DSCAML1: variants seen among roughly 807,000 people sequenced by gnomAD.
The protein encoded by DSCAML1 is cell adhesion molecule DSCAML1.
Under a neutral mutation model 200.5 loss-of-function variants are expected in DSCAML1, and 38 were observed. The observed-to-expected ratio is 0.19, with a 90% CI of 0.15 to 0.25. The LOEUF (loss-of-function observed/expected upper bound fraction) is 0.25, where lower values mean the gene tolerates loss of function less well. Among genes scored for constraint, DSCAML1 ranks in the 10% least tolerant of loss-of-function variants. DSCAML1 has a pLI of 1.00. For missense variants in DSCAML1, 2,223 were observed against 2,858.8 expected (o/e 0.78, Z 5.07); for synonymous variants, 1,215 against 1,165.0 (o/e 1.04, Z -0.87).
At chr11:117,507,928 G>C (rs1565749833) in intron 8 of DSCAML1, among the ~76,000 whole-genome samples, 1 of 152,152 alleles carries the variant, frequency 6.6e-6, no homozygotes. Context: ...TCTTCAGATA[G>C]ATTTCTCTGG....
At chr11:117,486,459 C>CGGATGTGAAAATGGT (rs943043186) in intron 11 of DSCAML1, among the ~76,000 whole-genome samples, 10 of 51,284 alleles carry the variant, frequency 1.9e-4, no homozygotes, top group African/African-American at 7.7e-4. Context: ...ATGAAAGTAG[C>CGGATGTGAAAATGGT]GGATGTGAAA....
intron 1 of DSCAML1, among the ~76,000 whole-genome samples, chr11:117,796,269 C>A (rs1469419351): frequency 6.6e-6 from 1 of 152,220 alleles, no homozygotes; most frequent in South Asian, 2.1e-4. Context: ...GAGGGACACG[C>A]CCCCCAGCCT....
At chr11:117,621,926 T>C (rs2051942313) in intron 3 of DSCAML1, among the ~76,000 whole-genome samples, 1 of 152,210 alleles carries the variant, frequency 6.6e-6, no homozygotes, top group South Asian at 2.1e-4. Flanking sequence ...ACCATGAGGA[T>C]CAATGAAAGG....
chr11:117,763,594 T>G (rs1285664661), intron 3 of DSCAML1, among the ~76,000 whole-genome samples: 1 of 152,008 alleles, frequency 6.6e-6, no homozygotes, highest in Non-Finnish European at 1.5e-5. Flanking sequence ...CCACCTGTGA[T>G]GCATCCTGAG....
At chr11:117,587,289 A>C (rs963554198) in intron 3 of DSCAML1, among the ~76,000 whole-genome samples, 1 of 137,286 alleles carries the variant, frequency 7.3e-6, no homozygotes, top group Admixed American at 7.7e-5. Flanking sequence ...TATGATTCCT[A>C]TATTGTAGTG....
chr11:117,709,712 C>T (rs1270316512), intron 3 of DSCAML1: 2 of 455,014 alleles, frequency 4.4e-6, no homozygotes, highest in Non-Finnish European at 8.8e-6. Context: ...TGGGCTAAGG[C>T]TTCATCAGGG....
At chr11:117,645,145 C>A (rs757227096) in intron 3 of DSCAML1, among the ~76,000 whole-genome samples, 3 of 152,210 alleles carry the variant, frequency 2.0e-5, no homozygotes, top group Non-Finnish European at 4.4e-5. Flanking sequence ...ATGAGACCTG[C>A]AGGGCTTCCC....
chr11:117,512,530 G>A (rs978373053), intron 8 of DSCAML1, among the ~76,000 whole-genome samples: 2 of 152,142 alleles, frequency 1.3e-5, no homozygotes, highest in Non-Finnish European at 2.9e-5. Context: ...CACCCATGCT[G>A]CTTCTTGGTC....
At chr11:117,663,234 G>A (rs12279593) in intron 3 of DSCAML1, among the ~76,000 whole-genome samples, 51,806 of 152,022 alleles carry the variant, frequency 0.34, 9,139 homozygotes, top group African/African-American at 0.41. Context: ...ACCTCCCACA[G>A]TGCTTCTGAT....
intron 1 of DSCAML1, among the ~76,000 whole-genome samples, chr11:117,812,752 A>C (rs2055771865): frequency 7.0e-6 from 1 of 142,318 alleles, no homozygotes; most frequent in African/African-American, 2.5e-5. Context: ...GTGTCCGACT[A>C]ATCTCCCAAA....
chr11:117,665,073 G>C (rs2137654869), intron 3 of DSCAML1, among the ~76,000 whole-genome samples: 1 of 152,286 alleles, frequency 6.6e-6, no homozygotes, highest in South Asian at 2.1e-4. Flanking sequence ...CCTATTTCCT[G>C]CCGAAGTCTG....
intron 1 of DSCAML1, among the ~76,000 whole-genome samples, chr11:117,781,693 C>T (rs898671604): frequency 2.0e-5 from 3 of 152,240 alleles, no homozygotes; most frequent in Admixed American, 1.3e-4. Flanking sequence ...AATTCCCTTC[C>T]TCACTTGGAT....
intron 11 of DSCAML1, among the ~76,000 whole-genome samples, chr11:117,486,071 T>A (rs1592652652): frequency 6.6e-6 from 1 of 152,118 alleles, no homozygotes; most frequent in African/African-American, 2.4e-5. Flanking sequence ...GGGAAAAGGG[T>A]GTGTGGCTTG....
intron 3 of DSCAML1, among the ~76,000 whole-genome samples, chr11:117,579,994 AGAGCTTTGCTTCCT>A (rs113699882): frequency 2.8e-4 from 43 of 152,350 alleles, no homozygotes; most frequent in African/African-American, 1.0e-3. Flanking sequence ...TTCCGTCATC[AGAGCTTTGCTTCCT>A]GGAGACACGG....
intron 16 of DSCAML1, among the ~76,000 whole-genome samples, chr11:117,466,304 G>A (rs1250027271): frequency 6.6e-6 from 1 of 152,236 alleles, no homozygotes; most frequent in Non-Finnish European, 1.5e-5. Context: ...CAGCGCGGAT[G>A]AACCTTGAAG....
intron 12 of DSCAML1, among the ~76,000 whole-genome samples, chr11:117,481,637 G>T (rs2048923143): frequency 6.7e-6 from 1 of 149,146 alleles, no homozygotes; most frequent in Admixed American, 6.6e-5. Flanking sequence ...CAGGAGAGTG[G>T]GAAGGGCTGA....
upstream of DSCAML1, among the ~76,000 whole-genome samples, chr11:117,798,360 C>T (rs2055620759): frequency 6.6e-6 from 1 of 152,230 alleles, no homozygotes; most frequent in South Asian, 2.1e-4. Flanking sequence ...CCTAAGTTCA[C>T]ATGGGAGAAT....
intron 3 of DSCAML1, among the ~76,000 whole-genome samples, chr11:117,673,238 G>A (rs2053146933): frequency 6.6e-6 from 1 of 152,124 alleles, no homozygotes; most frequent in Non-Finnish European, 1.5e-5. Flanking sequence ...AAATCTTCTG[G>A]GAGGAAAATC....
chr11:117,587,799 T>G (rs920544508), intron 3 of DSCAML1, among the ~76,000 whole-genome samples: 3 of 152,136 alleles, frequency 2.0e-5, no homozygotes, highest in Non-Finnish European at 2.9e-5. Context: ...GTCCCTTATC[T>G]CCACCCTGAG....
Sources: gnomAD v4.1 joint callset for allele counts (sites outside exome capture counted in the v4.1 genomes callset) on GRCh38, gnomAD v4.1.1 for gene constraint, MANE v1.5 for transcripts, NCBI Gene and HGNC (gene_info 2026-07-23, HGNC 2026-07-21) for gene names.